NR6A1: variants seen among roughly 807,000 people sequenced by gnomAD.
The protein encoded by NR6A1 is retinoic acid receptor-related testis-associated receptor.
Under a neutral mutation model 59.1 loss-of-function variants are expected in NR6A1, and 7 were observed. The observed-to-expected ratio is 0.12, with a 90% CI of 0.07 to 0.22. The LOEUF (loss-of-function observed/expected upper bound fraction) is 0.22. Ranked by LOEUF, NR6A1 falls within the 10% of genes least tolerant of loss-of-function variation. NR6A1 has a pLI of 1.00. For missense variants in NR6A1, 468 were observed against 611.6 expected (o/e 0.77, Z 2.48); for synonymous variants, 243 against 236.1 (o/e 1.03, Z -0.27).
chr9:124,668,332 T>TGGCAGAAGAGGTGGAAGGGGA (rs556341143), intron 2 of NR6A1, among the ~76,000 whole-genome samples: 1,528 of 152,042 alleles, frequency 0.01, 25 homozygotes, highest in African/African-American at 0.035. Flanking sequence ...GTCACAAGGG[T>TGGCAGAAGAGGTGGAAGGGGA]GGCAGAAGAG....
chr9:124,663,161 G>A (rs977463564), intron 2 of NR6A1, among the ~76,000 whole-genome samples: 1 of 152,080 alleles, frequency 6.6e-6, no homozygotes, highest in Non-Finnish European at 1.5e-5. Context: ...CATAGCCTTC[G>A]ATTACTGTGA....
intron 2 of NR6A1, among the ~76,000 whole-genome samples, chr9:124,641,968 T>C (rs1836778891): frequency 6.6e-6 from 1 of 152,174 alleles, no homozygotes; most frequent in African/African-American, 2.4e-5. Context: ...TTGCCTATCA[T>C]GGCCCAATAT....
rs1832823524 is a variant in NR6A1, at chr9:124,522,554, CAG to C, written c.*149_*150del. 1 of 526,684 alleles carries C rather than the reference CAG, an allele frequency of 1.9e-6. No individual in the cohort carries two copies. Among genetic ancestry groups the C allele is most frequent in the African/African-American group, 1.9e-5 (1 of 52,304 alleles). The allele number at this position is 526,684 out of a possible 1,614,324, so 32.6% of individuals were successfully genotyped here. On this transcript the variant is annotated 3_prime_UTR_variant, in exon 10 of 10. Coordinates refer to ENST00000487099, the MANE Select transcript of NR6A1 (RefSeq NM_033334.4). ...ATATAGAAAAATGAGGTTAAAAAAA[CAG>C]ACAAACAAACAAAAACTCTTCTTGC...
At chr9:124,666,208 A>G (rs1025390486) in intron 2 of NR6A1, among the ~76,000 whole-genome samples, 3 of 151,992 alleles carry the variant, frequency 2.0e-5, no homozygotes, top group Non-Finnish European at 2.9e-5. Flanking sequence ...ACCAAAAAAA[A>G]AGAAGACCCC....
chr9:124,726,261 C>T (rs140484121), intron 2 of NR6A1, among the ~76,000 whole-genome samples: 9 of 152,262 alleles, frequency 5.9e-5, no homozygotes, highest in African/African-American at 1.9e-4. Context: ...CCAAAAATGT[C>T]CCCTAAAATC....
At chr9:124,765,010 T>A (rs1374068104) in intron 1 of NR6A1, among the ~76,000 whole-genome samples, 1 of 152,220 alleles carries the variant, frequency 6.6e-6, no homozygotes, top group Non-Finnish European at 1.5e-5. Context: ...CCATCTGTGG[T>A]TTATGCTTGA....
intron 2 of NR6A1, among the ~76,000 whole-genome samples, chr9:124,561,794 A>C (rs10739651): frequency 0.61 from 93,393 of 151,878 alleles, 30,315 homozygotes; most frequent in African/African-American, 0.83. Context: ...CGCCTGTAAT[A>C]CCAGCTACTC....
chr9:124,700,467 T>C (rs894803958), intron 2 of NR6A1, among the ~76,000 whole-genome samples: 10 of 151,218 alleles, frequency 6.6e-5, no homozygotes, highest in African/African-American at 2.4e-4. Flanking sequence ...GTGATCCACC[T>C]GCCTCAGCCT....
At chr9:124,559,701 TG>T (rs1213262704) in intron 2 of NR6A1, among the ~76,000 whole-genome samples, 1 of 152,110 alleles carries the variant, frequency 6.6e-6, no homozygotes, top group Non-Finnish European at 1.5e-5. Context: ...CACTTGAACC[TG>T]GAACACAGAG....
At chr9:124,666,275 CTTTT>C (rs922378385) in intron 2 of NR6A1, among the ~76,000 whole-genome samples, 2 of 103,058 alleles carry the variant, frequency 1.9e-5, no homozygotes, top group African/African-American at 4.3e-5. Flanking sequence ...CTATGTGGTT[CTTTT>C]TTTTTTTTTT....
rs57689255 is a variant in NR6A1 at position 124,585,543 on chromosome 9, C to CAA, written c.143-30975_143-30974dup. ...TGGGTGACACAGCGAGACTCCATCT[C>CAA]AAAAAAAAAAAAAAAGGGGGGGGGG... On this transcript the variant is annotated intron_variant, in intron 2 of 9. Transcript: ENST00000487099. Among the ~76,000 whole-genome samples, 5 of 55,570 alleles carry CAA rather than the reference C, an allele frequency of 9.0e-5. No homozygotes were observed. In the East Asian group the frequency reaches 2.5e-3, roughly 27 times the overall value. The allele number at this position is 55,570 out of a possible 152,430, so 36.5% of individuals were successfully genotyped here.
intron 2 of NR6A1, among the ~76,000 whole-genome samples, chr9:124,620,270 T>G (rs979331928): frequency 1.3e-5 from 2 of 152,074 alleles, no homozygotes; most frequent in African/African-American, 2.4e-5. Context: ...GAGGTAACTT[T>G]GATTTACCAA....
intron 2 of NR6A1, among the ~76,000 whole-genome samples, chr9:124,563,397 A>AAAAAAAAATG (rs1834134807): frequency 2.0e-5 from 3 of 152,246 alleles, no homozygotes; most frequent in Admixed American, 2.0e-4. Context: ...TTGGCCTAGC[A>AAAAAAAAATG]TTTCAGACAT....
intron 1 of NR6A1, among the ~76,000 whole-genome samples, chr9:124,738,177 C>T (rs1371023636): frequency 6.6e-6 from 1 of 152,042 alleles, no homozygotes; most frequent in Admixed American, 6.6e-5. Flanking sequence ...TAGCTTTAAC[C>T]TGGGAGGCGG....
chr9:124,722,883 G>A (rs1839603075), intron 2 of NR6A1, among the ~76,000 whole-genome samples: 1 of 151,994 alleles, frequency 6.6e-6, no homozygotes, highest in South Asian at 2.1e-4. Context: ...TAGAGTCGGG[G>A]TTTCATCATG....
chr9:124,548,959 G>C (rs927505718), intron 3 of NR6A1, among the ~76,000 whole-genome samples: 2 of 152,140 alleles, frequency 1.3e-5, no homozygotes, highest in African/African-American at 2.4e-5. Flanking sequence ...TAACCAGGGA[G>C]CATCCTATCA....
chr9:124,543,907 A>T (rs1172786254), intron 3 of NR6A1, 50 bp from the exon 4 acceptor site: 2 of 1,518,946 alleles, frequency 1.3e-6, no homozygotes. Flanking sequence ...CACTCATATA[A>T]GTCTTAGCAC....
chr9:124,537,435 A>G (rs1390368701), intron 6 of NR6A1, among the ~76,000 whole-genome samples: 1 of 152,176 alleles, frequency 6.6e-6, no homozygotes, highest in African/African-American at 2.4e-5. Context: ...TTGTGGGTAG[A>G]TATTTTAATC....
intron 2 of NR6A1, among the ~76,000 whole-genome samples, chr9:124,657,241 G>A (rs1837287747): frequency 6.6e-6 from 1 of 152,140 alleles, no homozygotes. Context: ...TATGGAAGGT[G>A]CTGCATAATA....
Sources: allele counts gnomAD v4.1 joint callset (sites outside exome capture counted in the v4.1 genomes callset), GRCh38; gene constraint gnomAD v4.1.1; transcripts MANE v1.5; gene names NCBI Gene and HGNC (gene_info 2026-07-23, HGNC 2026-07-21).